Variants in CCDC7 observed in about 807,000 individuals in gnomAD.
The protein encoded by CCDC7 is coiled-coil domain containing 7, also known as coiled-coil domain-containing protein 7.
Under a neutral mutation model 196.9 loss-of-function variants are expected in CCDC7, and 183 were observed. That is an observed-to-expected ratio of 0.93 (90% CI 0.82 to 1.05). The LOEUF is 1.05. CCDC7 is among the 50% of genes least tolerant of loss of function. The pLI, the probability that CCDC7 is intolerant of heterozygous loss-of-function variation, is 0.00. For synonymous variants in CCDC7, 525 were observed against 484.6 expected (o/e 1.08, Z -1.10); for missense variants, 1,540 against 1,482.2 (o/e 1.04, Z -0.64).
At chr10:32,459,646 A>ATTTTTTTTTTTTTTTTT in intron 3 of CCDC7, among the ~76,000 whole-genome samples, 1 of 68,720 alleles carries the variant, frequency 1.5e-5, no homozygotes, top group Non-Finnish European at 2.5e-5. Flanking sequence ...CCTGCTGCAC[A>ATTTTTTTTTTTTTTTTT]TTTTTTTTTT....
At position 32,552,485 on chromosome 10, in the gene CCDC7, T is replaced by G. The variant is rs527481880; in HGVS notation, c.1134+8184T>G. 8.5e-5 allele frequency among the ~76,000 whole-genome samples: 13 copies of G among 152,320 alleles called. No individual in the cohort carries two copies. The South Asian group carries it at 2.5e-3, about 29-fold the overall frequency. On this transcript the variant is annotated intron_variant, in intron 13 of 41. Coordinates refer to ENST00000639629, the Ensembl canonical transcript of CCDC7. ...GTTTATTTGTTTTTTGCTTTTGCTTTTTAACTTGTATTTATGTTTTATAGA... is the reference window on the plus strand; with the variant it reads ...GTTTATTTGTTTTTTGCTTTTGCTTGTTAACTTGTATTTATGTTTTATAGA...
In CCDC7 at chr10:32,748,012, T is replaced by A. The variant is rs562484969; in HGVS notation, c.2905+18555T>A. Among the ~76,000 whole-genome samples, 3 of 152,222 alleles carry A rather than the reference T, an allele frequency of 2.0e-5. No homozygotes were observed. The East Asian group carries it at 5.8e-4, about 29-fold the overall frequency. ...ATAAAGAAAATGTGGTACATATATATCATAGAATACTATGCAGCCATAAAA... is the reference window on the plus strand; with the variant it reads ...ATAAAGAAAATGTGGTACATATATAACATAGAATACTATGCAGCCATAAAA... On this transcript the variant is annotated intron_variant, in intron 28 of 41. Coordinates refer to ENST00000639629, the Ensembl canonical transcript of CCDC7.
intron 36 of CCDC7, 52 bp downstream of exon 37, chr10:32,846,011 G>T (rs780568487): frequency 7.6e-7 from 1 of 1,318,806 alleles, no homozygotes; most frequent in Non-Finnish European, 1.1e-6. Flanking sequence ...TATATTCCCT[G>T]AGTTAAATTG....
chr10:32,585,331 C>T (rs1018102182), intron 18 of CCDC7, among the ~76,000 whole-genome samples: 2 of 152,152 alleles, frequency 1.3e-5, no homozygotes, highest in African/African-American at 4.8e-5. Flanking sequence ...CCTTGGCCTC[C>T]CAAAGTGCTG....
At chr10:32,455,384 G>T (rs893672853) in intron 2 of CCDC7, among the ~76,000 whole-genome samples, 10 of 151,820 alleles carry the variant, frequency 6.6e-5, no homozygotes, top group African/African-American at 2.4e-4. Context: ...GTGTGATCTT[G>T]GCTCACTGGA....
chr10:32,612,020 T>C (rs1390261758), intron 18 of CCDC7, among the ~76,000 whole-genome samples: 1 of 152,224 alleles, frequency 6.6e-6, no homozygotes, highest in African/African-American at 2.4e-5. Flanking sequence ...AATATGGCCA[T>C]TTTCACAATA....
Position 32,586,086 on chromosome 10 carries a change from A to C in CCDC7, c.1801+1782A>C, listed in dbSNP as rs139314928. On this transcript the variant is annotated intron_variant, in intron 18 of 41. Transcript: ENST00000639629. ...ACCATTCTAATAAATGTGAGATGAT[A>C]TCTCATTGTGGTTTTGATTTGCATT... Among the ~76,000 whole-genome samples, 132 of 152,312 alleles carry C rather than the reference A, an allele frequency of 8.7e-4. 1 individual carries two copies. Among genetic ancestry groups the C allele is most frequent in the African/African-American group, 2.9e-3 (120 of 41,572 alleles).
intron 25 of CCDC7, among the ~76,000 whole-genome samples, chr10:32,723,483 A>G (rs974819460): frequency 1.5e-4 from 23 of 152,118 alleles, no homozygotes; most frequent in African/African-American, 5.3e-4. Context: ...CAGGGAAGCT[A>G]TATACATTGG....
At chr10:32,838,321 C>T (rs2092760612) in intron 33 of CCDC7, among the ~76,000 whole-genome samples, 1 of 152,002 alleles carries the variant, frequency 6.6e-6, no homozygotes, top group Non-Finnish European at 1.5e-5. Flanking sequence ...GGCTCAAGGA[C>T]ACACTTAGAG....
intron 28 of CCDC7, among the ~76,000 whole-genome samples, 159 bp from the exon 30 acceptor site, chr10:32,778,818 G>A (rs1405291906): frequency 6.6e-6 from 1 of 152,116 alleles, no homozygotes; most frequent in Non-Finnish European, 1.5e-5. Context: ...AGCATGGACT[G>A]TTTTTTCATT....
intron 29 of CCDC7, among the ~76,000 whole-genome samples, chr10:32,782,188 A>G (rs572120559): frequency 9.9e-5 from 15 of 151,964 alleles, no homozygotes; most frequent in Admixed American, 2.0e-4. Flanking sequence ...ATGGAAAGAC[A>G]TCTCATGTTC....
chr10:32,514,186 T>A (rs1188572144), intron 9 of CCDC7: 5 of 152,210 alleles, frequency 3.3e-5, no homozygotes, highest in African/African-American at 1.2e-4. Flanking sequence ...ATACACTAGC[T>A]GTTATGGGTT....
chr10:32,748,451 T>C (rs941708654), intron 28 of CCDC7, among the ~76,000 whole-genome samples: 1 of 152,196 alleles, frequency 6.6e-6, no homozygotes, highest in Non-Finnish European at 1.5e-5. Flanking sequence ...ACATCCCTGT[T>C]GTATCTGAAT....
At chr10:32,732,203 A>C (rs1038450749) in intron 28 of CCDC7, among the ~76,000 whole-genome samples, 1 of 152,182 alleles carries the variant, frequency 6.6e-6, no homozygotes, top group Admixed American at 6.5e-5. Context: ...AGCAGATGAA[A>C]ATCTTTCACA....
At chr10:32,828,788 G>C (rs1290084340) in intron 32 of CCDC7, among the ~76,000 whole-genome samples, 1 of 152,232 alleles carries the variant, frequency 6.6e-6, no homozygotes, top group Non-Finnish European at 1.5e-5. Flanking sequence ...GGATTCACAG[G>C]TCCAGGAATC....
intron 41 of CCDC7, among the ~76,000 whole-genome samples, chr10:32,859,736 C>T (rs2093901459): frequency 6.6e-6 from 1 of 152,058 alleles, no homozygotes; most frequent in Non-Finnish European, 1.5e-5. Flanking sequence ...GGAATATCAC[C>T]ACCGATCCCA....
At chr10:32,682,644 C>T (rs1036281529) in intron 21 of CCDC7, among the ~76,000 whole-genome samples, 12 of 152,304 alleles carry the variant, frequency 7.9e-5, no homozygotes, top group African/African-American at 2.9e-4. Context: ...TTCTCTACAA[C>T]CTCACCAGCA....
At chr10:32,876,606 T>G (rs895937523), downstream of CCDC7, 1 of 382,940 alleles carries the variant, frequency 2.6e-6, no homozygotes, top group Admixed American at 4.5e-5. Flanking sequence ...TCAAATTACT[T>G]TATTACTTTT....
At chr10:32,855,404 A>G (rs2093712506) in intron 41 of CCDC7, among the ~76,000 whole-genome samples, 1 of 152,174 alleles carries the variant, frequency 6.6e-6, no homozygotes, top group Non-Finnish European at 1.5e-5. Flanking sequence ...AAATAATTAT[A>G]CAATTCACCA....
Sources: gnomAD v4.1 joint callset for allele counts (sites outside exome capture counted in the v4.1 genomes callset) on GRCh38, gnomAD v4.1.1 for gene constraint, MANE v1.5 for transcripts, NCBI Gene and HGNC (gene_info 2026-07-23, HGNC 2026-07-21) for gene names.